Variants in GNG5 observed in about 807,000 individuals in gnomAD.
The protein encoded by GNG5 is G protein subunit gamma 5, also known as guanine nucleotide-binding protein G(I)/G(S)/G(O) subunit gamma-5.
GNG5 carries 2 observed loss-of-function variants against 6.2 expected under a neutral mutation model. The observed-to-expected ratio is 0.32, with a 90% CI of 0.13 to 1.01. The LOEUF (loss-of-function observed/expected upper bound fraction) is 1.01. Ranked by LOEUF, GNG5 falls within the 50% of genes least tolerant of loss-of-function variation. The pLI, the probability that GNG5 is intolerant of heterozygous loss-of-function variation, is 0.48. For missense variants in GNG5, 57 were observed against 80.2 expected (o/e 0.71, Z 1.10); for synonymous variants, 24 against 33.0 (o/e 0.73, Z 0.93).
chr1:84,500,152 G>A (rs537649510), intron 3 of GNG5, among the ~76,000 whole-genome samples: 1 of 152,046 alleles, frequency 6.6e-6, no homozygotes, highest in African/African-American at 2.4e-5. Flanking sequence ...CAGCATCAGT[G>A]TAGGTGGGCA....
At position 84,501,960 on chromosome 1, in the gene GNG5, G is replaced by C. The variant is rs1267860075; in HGVS notation, c.92C>G (p.Ala31Gly). Residue 31 changes from alanine (A) to glycine (G), a missense_variant, in exon 3 of 4, where the codon GCA (alanine) becomes GGA (glycine). By Grantham distance (60) the Ala-to-Gly change is moderately conservative. Transcript: ENST00000370645. ...AGLNRVKVSQ[A>G]AADLKQFCLQ... ...ACAGAACTGTTTCAAGTCTGCAGCT[G>C]CCTGGGAAACCTATACATAACAAAG... 1 of 1,611,694 alleles carries C rather than the reference G, an allele frequency of 6.2e-7. No homozygotes were observed. The highest frequency in any genetic ancestry group is 8.5e-7 in the Non-Finnish European group (1 of 1,177,978).
chr1:84,506,430 G>T lies in GNG5; in HGVS notation c.-211+6C>A, dbSNP rs563663347. On this transcript the variant is annotated splice_donor_region_variant and intron_variant, in intron 1 of 3. Coordinates refer to ENST00000370645, the MANE Select transcript of GNG5 (RefSeq NM_005274.3). ...CCGATTAGGGAGAGGTAAGGAGAGA[G>T]CTTACCGTTAGCCGCGAAGAACTAA... 7.7e-5 allele frequency: 14 copies of T among 181,270 alleles called. No individual in the cohort carries two copies. The South Asian group carries it at 1.9e-3, about 24-fold the overall frequency. The allele number at this position is 181,270 out of a possible 1,614,324, so 11.2% of individuals were successfully genotyped here.
At chr1:84,502,167 T>C (rs934932990) in intron 2 of GNG5, among the ~76,000 whole-genome samples, 197 bp from the exon 3 acceptor site, 3 of 135,698 alleles carry the variant, frequency 2.2e-5, no homozygotes, top group Admixed American at 7.9e-5. Flanking sequence ...AGACGGAGTC[T>C]CACTCTGTTG....
intron 2 of GNG5, among the ~76,000 whole-genome samples, chr1:84,503,489 AAAG>A (rs1387384967): frequency 1.1e-4 from 17 of 152,196 alleles, no homozygotes; most frequent in Admixed American, 1.0e-3. Context: ...CTCCTATGTA[AAAG>A]AAGTATTTTT....
chr1:84,500,331 T>C (rs1361269242), intron 3 of GNG5, among the ~76,000 whole-genome samples: 1 of 152,236 alleles, frequency 6.6e-6, no homozygotes, highest in Non-Finnish European at 1.5e-5. Context: ...CAAAGCTGTT[T>C]TCTTATACTG....
intron 2 of GNG5, among the ~76,000 whole-genome samples, chr1:84,502,267 G>A (rs1682074824): frequency 6.6e-6 from 1 of 151,420 alleles, no homozygotes; most frequent in African/African-American, 2.4e-5. Context: ...CTGAGTAGCT[G>A]GGACTACAGG....
At chr1:84,500,474 A>G (rs1262516894) in intron 3 of GNG5, among the ~76,000 whole-genome samples, 2 of 152,212 alleles carry the variant, frequency 1.3e-5, no homozygotes, top group Non-Finnish European at 2.9e-5. Context: ...CCAGTATTTT[A>G]TTCAAATGAA....
At chr1:84,505,944 G>A (rs1054493050) in intron 2 of GNG5, 67 bp downstream of exon 2, 92 of 1,066,486 alleles carry the variant, frequency 8.6e-5, no homozygotes, top group Admixed American at 1.2e-4. Context: ...GCCCCCGCCA[G>A]CTGGGCCGCC....
At chr1:84,505,970 C>T in intron 2 of GNG5, 41 bp downstream of exon 2, 1 of 1,398,566 alleles carries the variant, frequency 7.2e-7, no homozygotes, top group Non-Finnish European at 9.5e-7. Flanking sequence ...CCACCCGCCG[C>T]CGCCGCCTTC....
Position 84,506,282 on chromosome 1 carries a change from A to C in GNG5, c.-191T>G. On this transcript the variant is annotated 5_prime_UTR_variant, in exon 2 of 4. Transcript: ENST00000370645. ...TGCCAGCCCTCTGTTCCAGCTCCACACCCGGCCCCGAGCGCGAGCCTGGAG... is the reference window on the plus strand; with the variant it reads ...TGCCAGCCCTCTGTTCCAGCTCCACCCCCGGCCCCGAGCGCGAGCCTGGAG... 2.3e-6 allele frequency: 1 copy of C among 427,266 alleles called. No homozygotes were observed. The highest frequency in any genetic ancestry group is 3.9e-5 in the East Asian group (1 of 25,860). The allele number at this position is 427,266 out of a possible 1,614,324, so 26.5% of individuals were successfully genotyped here.
In GNG5 at chr1:84,498,839, A is replaced by C. The variant is rs556708536; in HGVS notation, c.*20-291T>G. On this transcript the variant is annotated intron_variant, in intron 3 of 3. Coordinates refer to ENST00000370645, the MANE Select transcript of GNG5 (RefSeq NM_005274.3). ...TCAAAAATCCAAACATCCTTAGAAA[A>C]ATGAGCAAGACTATATTTAGCAGGG... 2.0e-5 allele frequency among the ~76,000 whole-genome samples: 3 copies of C among 152,330 alleles called. No individual in the cohort carries two copies. In the South Asian group the frequency reaches 6.2e-4, roughly 32 times the overall value.
intron 2 of GNG5, among the ~76,000 whole-genome samples, chr1:84,502,199 C>A (rs890154928): frequency 7.5e-6 from 1 of 134,042 alleles, no homozygotes; most frequent in Non-Finnish European, 1.5e-5. Flanking sequence ...TACAGTGGTG[C>A]GATCTCGGCT....
Position 84,506,121 on chromosome 1 carries a change from G to T in GNG5, c.-30C>A, listed in dbSNP as rs559088818. The stretch of plus-strand genomic sequence containing the variant: ...CACGCGACGGCCGGGCCGATTCGTG[G>T]GTCGGTGGGTCGTGGGCCGTGGGTC... On this transcript the variant is annotated 5_prime_UTR_variant, in exon 2 of 4. Transcript: ENST00000370645. 61 of 1,562,914 alleles carry T rather than the reference G, an allele frequency of 3.9e-5. No individual in the cohort carries two copies. The highest frequency in any genetic ancestry group is 1.8e-4 in the Admixed American group (10 of 54,536).
At chr1:84,499,794 CA>C (rs931959149) in intron 3 of GNG5, among the ~76,000 whole-genome samples, 3 of 151,512 alleles carry the variant, frequency 2.0e-5, no homozygotes, top group South Asian at 2.1e-4. Context: ...GCTGGAATCT[CA>C]AAAAAAATAG....
At chr1:84,505,836 C>T (rs1002185600) in intron 2 of GNG5, among the ~76,000 whole-genome samples, 175 bp downstream of exon 2, 9 of 152,204 alleles carry the variant, frequency 5.9e-5, no homozygotes, top group Non-Finnish European at 7.3e-5. Flanking sequence ...ACAGCGTAGA[C>T]CCACGCGGCG....
At chr1:84,501,685 A>C in intron 3 of GNG5, 141 bp downstream of exon 3, 1 of 595,804 alleles carries the variant, frequency 1.7e-6, no homozygotes, top group Non-Finnish European at 3.0e-6. Context: ...ATGAATCCTC[A>C]CTTTCCTTGC....
At chr1:84,501,522 A>G (rs1243203929) in intron 3 of GNG5, among the ~76,000 whole-genome samples, 2 of 152,204 alleles carry the variant, frequency 1.3e-5, no homozygotes, top group Admixed American at 6.5e-5. Context: ...CATTAGGCCA[A>G]TGCTCTAAAA....
chr1:84,501,753 A>G, intron 3 of GNG5, 73 bp downstream of exon 3: 1 of 906,928 alleles, frequency 1.1e-6, no homozygotes. Flanking sequence ...ATGATCTTTT[A>G]AGTGCTGCAA....
chr1:84,504,124 T>C (rs181824101), intron 2 of GNG5, among the ~76,000 whole-genome samples: 2 of 152,330 alleles, frequency 1.3e-5, no homozygotes, highest in East Asian at 3.9e-4. Context: ...CAAGCACTTA[T>C]GGTAAGTTCT....
Sources: gnomAD v4.1 joint callset for allele counts (sites outside exome capture counted in the v4.1 genomes callset) on GRCh38, gnomAD v4.1.1 for gene constraint, MANE v1.5 for transcripts, NCBI Gene and HGNC (gene_info 2026-07-23, HGNC 2026-07-21) for gene names.